VPS53: variants seen among roughly 807,000 people sequenced by gnomAD.
The protein encoded by VPS53 is vacuolar protein sorting-associated protein 53 homolog.
A neutral mutation model predicts 107.0 loss-of-function variants in VPS53; 70 were observed. That is an observed-to-expected ratio of 0.65 (90% CI 0.54 to 0.80). VPS53 has a LOEUF of 0.80. Ranked by LOEUF, VPS53 falls within the 30% of genes least tolerant of loss-of-function variation. VPS53 has a pLI of 0.00. For missense variants in VPS53, 917 were observed against 1,049.4 expected (o/e 0.87, Z 1.74); for synonymous variants, 409 against 393.3 (o/e 1.04, Z -0.47).
chr17:579,116 A>G (rs1394832391), intron 13 of VPS53, among the ~76,000 whole-genome samples: 1 of 150,826 alleles, frequency 6.6e-6, no homozygotes, highest in East Asian at 2.0e-4. Context: ...GCGGTCCCAG[A>G]GAACATCCCT....
intron 7 of VPS53, among the ~76,000 whole-genome samples, chr17:635,668 T>G (rs1389515434): frequency 6.6e-6 from 1 of 152,178 alleles, no homozygotes; most frequent in Non-Finnish European, 1.5e-5. Flanking sequence ...TTTCCCCATT[T>G]CTTGTTTTTG....
intron 12 of VPS53, chr17:600,119 A>G (rs981046628): frequency 6.6e-6 from 1 of 152,246 alleles, no homozygotes; most frequent in African/African-American, 2.4e-5. Context: ...AAAAGTTCCA[A>G]GAAAAAGGAA....
At chr17:564,711 G>C in intron 13 of VPS53, among the ~76,000 whole-genome samples, 1 of 148,170 alleles carries the variant, frequency 6.7e-6, no homozygotes, top group Non-Finnish European at 1.5e-5. Flanking sequence ...AGCAAGACTT[G>C]ATATCTGGAA....
intron 8 of VPS53, among the ~76,000 whole-genome samples, chr17:631,129 C>A (rs372279242): frequency 1.5e-4 from 23 of 152,144 alleles, no homozygotes; most frequent in Middle Eastern, 3.4e-3. Flanking sequence ...AGGCTCCTCA[C>A]TATATCACTC....
intron 19 of VPS53, among the ~76,000 whole-genome samples, chr17:526,162 T>G (rs899944480): frequency 6.6e-6 from 1 of 152,124 alleles, no homozygotes; most frequent in African/African-American, 2.4e-5. Context: ...CTGTCTTCCA[T>G]GTAGCAAATT....
intron 2 of VPS53, among the ~76,000 whole-genome samples, chr17:699,938 T>C (rs781178240): frequency 9.2e-5 from 14 of 152,130 alleles, no homozygotes; most frequent in Non-Finnish European, 1.5e-4. Context: ...TGGGGGAAGG[T>C]AGTGACAGTG....
chr17:585,930 AT>A, intron 13 of VPS53, among the ~76,000 whole-genome samples: 1 of 152,262 alleles, frequency 6.6e-6, no homozygotes, highest in South Asian at 2.1e-4. Flanking sequence ...TTGAAAACAT[AT>A]ATATTAGAGA....
At chr17:688,689 C>T (rs1972675975) in intron 4 of VPS53, among the ~76,000 whole-genome samples, 1 of 152,204 alleles carries the variant, frequency 6.6e-6, no homozygotes, top group South Asian at 2.1e-4. Context: ...GCAAAATGAA[C>T]AGTCACCGGA....
intron 12 of VPS53, chr17:601,165 T>A (rs767946726): frequency 6.6e-6 from 1 of 152,248 alleles, no homozygotes; most frequent in Non-Finnish European, 1.5e-5. Flanking sequence ...AAGGGAAACG[T>A]TCTGATTTAT....
chr17:511,952 T>G lies in VPS53; in HGVS notation c.*7176A>C, dbSNP rs1907971366. On this transcript the variant is annotated 3_prime_UTR_variant, in exon 22 of 22. Transcript: ENST00000437048. Reference sequence around the variant, plus strand: ...GCCCTATTTTCCACAACAGGCAGCCTCGCCACCAGCCCCAGGAGGGAGGAA... The same window carrying G: ...GCCCTATTTTCCACAACAGGCAGCCGCGCCACCAGCCCCAGGAGGGAGGAA... The G allele has an allele frequency of 6.6e-6, 1 of 152,182 alleles. No homozygotes were observed. Among genetic ancestry groups the G allele is most frequent in the South Asian group, 2.1e-4 (1 of 4,824 alleles). The allele number at this position is 152,182 out of a possible 1,614,324, so 9.4% of individuals were successfully genotyped here. A position where few individuals can be genotyped will look rare whatever the true frequency, so the allele number is the denominator to read the frequency against.
At chr17:561,320 T>C (rs560465012) in intron 14 of VPS53, among the ~76,000 whole-genome samples, 64 of 152,314 alleles carry the variant, frequency 4.2e-4, no homozygotes, top group African/African-American at 1.5e-3. Flanking sequence ...TCTGGATGCT[T>C]TGGAATCCTC....
At chr17:575,027 G>A (rs543928668) in intron 13 of VPS53, among the ~76,000 whole-genome samples, 4 of 152,330 alleles carry the variant, frequency 2.6e-5, no homozygotes, top group South Asian at 4.1e-4. Context: ...ACTGTACCTC[G>A]GTGTGCCTGC....
intron 11 of VPS53, among the ~76,000 whole-genome samples, chr17:603,614 A>T (rs1213236132): frequency 6.6e-6 from 1 of 152,186 alleles, no homozygotes. Flanking sequence ...CATTAGCTCG[A>T]GGTAATCAGT....
intron 6 of VPS53, among the ~76,000 whole-genome samples, chr17:654,990 T>C (rs1251027396): frequency 6.6e-6 from 1 of 152,056 alleles, no homozygotes; most frequent in African/African-American, 2.4e-5. Context: ...GCTCATCCAA[T>C]ACCTAGAGAG....
intron 19 of VPS53, among the ~76,000 whole-genome samples, chr17:527,547 C>T (rs900548966): frequency 1.3e-5 from 2 of 152,212 alleles, no homozygotes; most frequent in Non-Finnish European, 2.9e-5. Context: ...ACTTCCATTT[C>T]TACCAGCACA....
chr17:556,926 C>CTCTCTGCTGAAGGGGGGTGGCCA (rs1912462616), intron 15 of VPS53, among the ~76,000 whole-genome samples: 2 of 140,492 alleles, frequency 1.4e-5, no homozygotes, highest in South Asian at 2.3e-4. Context: ...GGGGGGTGGC[C>CTCTCTGCTGAAGGGGGGTGGCCA]AGGAGGGGCT....
At chr17:542,931 T>C (rs1910814505) in intron 17 of VPS53, among the ~76,000 whole-genome samples, 1 of 144,606 alleles carries the variant, frequency 6.9e-6, no homozygotes, top group African/African-American at 2.6e-5. Flanking sequence ...TAAGCACAAA[T>C]CACGCCACTG....
At chr17:581,719 G>A (rs571685139) in intron 13 of VPS53, among the ~76,000 whole-genome samples, 2 of 150,058 alleles carry the variant, frequency 1.3e-5, no homozygotes, top group East Asian at 4.0e-4. Context: ...CGTTCCTAGA[G>A]AACTTTCCTC....
chr17:530,667 T>C (rs1909470700), intron 19 of VPS53, among the ~76,000 whole-genome samples: 1 of 152,194 alleles, frequency 6.6e-6, no homozygotes, highest in Non-Finnish European at 1.5e-5. Context: ...ATTCTCCTCT[T>C]ATCCTTAATC....
Sources: allele counts gnomAD v4.1 joint callset (sites outside exome capture counted in the v4.1 genomes callset), GRCh38; gene constraint gnomAD v4.1.1; transcripts MANE v1.5; gene names NCBI Gene and HGNC (gene_info 2026-07-23, HGNC 2026-07-21).